Variants in ANKS1A observed in about 807,000 individuals in gnomAD.
ANKS1A encodes ankyrin repeat and SAM domain-containing protein 1A.
Under a neutral mutation model 120.3 loss-of-function variants are expected in ANKS1A, and 55 were observed. The observed-to-expected ratio is 0.46, with a 90% CI of 0.37 to 0.57. The LOEUF (loss-of-function observed/expected upper bound fraction) is 0.57. Among genes scored for constraint, ANKS1A ranks in the 20% least tolerant of loss-of-function variants. ANKS1A has a pLI of 0.00. For synonymous variants in ANKS1A, 590 were observed against 604.7 expected (o/e 0.98, Z 0.36); for missense variants, 1,123 against 1,480.3 (o/e 0.76, Z 3.96).
intron 13 of ANKS1A, among the ~76,000 whole-genome samples, chr6:35,062,322 C>T (rs546997512): frequency 2.6e-5 from 4 of 152,290 alleles, no homozygotes; most frequent in Non-Finnish European, 4.4e-5. Context: ...TGGGTAACCA[C>T]GTGTGAATGG....
In ANKS1A at chr6:34,986,889, C is replaced by T. The variant is rs1772235168; in HGVS notation, c.1209+1611C>T. 2.6e-5 allele frequency among the ~76,000 whole-genome samples: 4 copies of T among 152,326 alleles called. No individual in the cohort carries two copies. In the South Asian group the frequency reaches 8.3e-4, roughly 32 times the overall value. On this transcript the variant is annotated intron_variant, in intron 8 of 23. Transcript: ENST00000360359. The stretch of plus-strand genomic sequence containing the variant: ...TAGGCACAACGGAATTAAGCAAATC[C>T]AGGTTTGGAGGAAGGTGGTGTTTTA...
chr6:34,967,485 A>G (rs2127508852), intron 2 of ANKS1A, among the ~76,000 whole-genome samples, 166 bp downstream of exon 2: 1 of 150,470 alleles, frequency 6.6e-6, no homozygotes, highest in South Asian at 2.1e-4. Context: ...GCTGAGTTTG[A>G]GAGCAGCCTG....
Position 34,909,012 on chromosome 6 carries a change from C to A in ANKS1A, c.197+19413C>A, listed in dbSNP as rs77301855. 4.6e-3 allele frequency among the ~76,000 whole-genome samples: 693 copies of A among 152,274 alleles called. 5 individuals are homozygous for A. Among genetic ancestry groups the A allele is most frequent in the African/African-American group, 0.016 (650 of 41,534 alleles). ...AGACCAATGTATTCTTACCTACATA[C>A]ACATCTGTTATCATCATGAAGATAA... On this transcript the variant is annotated intron_variant, in intron 1 of 23. Coordinates refer to ENST00000360359, the MANE Select transcript of ANKS1A (RefSeq NM_015245.3).
At chr6:35,029,281 G>GT (rs970733674) in intron 11 of ANKS1A, among the ~76,000 whole-genome samples, 6 of 130,522 alleles carry the variant, frequency 4.6e-5, no homozygotes, top group South Asian at 2.5e-4. Flanking sequence ...GTATTTTTAT[G>GT]TTTTTTTTAA....
chr6:34,966,257 A>ATT (rs1161964766), intron 1 of ANKS1A, among the ~76,000 whole-genome samples: 1 of 152,248 alleles, frequency 6.6e-6, no homozygotes, highest in Non-Finnish European at 1.5e-5. Context: ...TGGCCAATTA[A>ATT]GTTTACTCCA....
chr6:34,913,836 T>C (rs1459645669), intron 1 of ANKS1A, among the ~76,000 whole-genome samples: 1 of 152,182 alleles, frequency 6.6e-6, no homozygotes, highest in Non-Finnish European at 1.5e-5. Flanking sequence ...TTTCACCATG[T>C]TGGCCACACT....
intron 10 of ANKS1A, 65 bp downstream of exon 10, chr6:34,994,487 G>T (rs1483764693): frequency 1.2e-5 from 19 of 1,581,118 alleles, no homozygotes; most frequent in Non-Finnish European, 1.6e-5. Context: ...GTGATCCTGA[G>T]TGGAAGGGGA....
At position 35,079,948 on chromosome 6, in the gene ANKS1A, A is replaced by T. The variant is rs1490573953; in HGVS notation, c.2544+20A>T. On this transcript the variant is annotated intron_variant, in intron 16 of 23. Transcript: ENST00000360359. The stretch of plus-strand genomic sequence containing the variant: ...CTGAGGGTGAGTCGGGGAGGGACAG[A>T]AAGGAATGTATGTTTGTTCCCTGTA... The T allele has an allele frequency of 6.5e-7, 1 of 1,550,286 alleles. No individual in the cohort carries two copies. Among genetic ancestry groups the T allele is most frequent in the Non-Finnish European group, 8.7e-7 (1 of 1,145,982 alleles).
At chr6:35,093,084 T>C (rs761486978), downstream of ANKS1A, among the ~76,000 whole-genome samples, 1 of 152,050 alleles carries the variant, frequency 6.6e-6, no homozygotes, top group African/African-American at 2.4e-5. Flanking sequence ...GGGCTCACAC[T>C]GCACCCACTG....
chr6:35,039,094 G>GT lies in ANKS1A; in HGVS notation c.2011-15005_2011-15004insT, dbSNP rs1238334013. On this transcript the variant is annotated intron_variant, in intron 11 of 23. Transcript: ENST00000360359. ...TGCATGTATGTGTGTGTGTGTGTGG[G>GT]GGGGGGTTATATGCATTTTTATCAT... is the stretch of plus-strand genomic sequence containing the variant. Among the ~76,000 whole-genome samples, 5 of 151,586 alleles carry GT rather than the reference G, an allele frequency of 3.3e-5. No individual in the cohort carries two copies. In the East Asian group the frequency reaches 7.7e-4, roughly 23 times the overall value.
intron 18 of ANKS1A, 108 bp from the exon 19 acceptor site, chr6:35,083,047 T>C (rs1231080572): frequency 1.4e-6 from 2 of 1,406,516 alleles, no homozygotes; most frequent in Non-Finnish European, 2.0e-6. Flanking sequence ...GGGGGTGTTG[T>C]TATTGAGAGG....
At chr6:34,977,660 T>A (rs551573632) in intron 3 of ANKS1A, among the ~76,000 whole-genome samples, 1 of 152,290 alleles carries the variant, frequency 6.6e-6, no homozygotes, top group African/African-American at 2.4e-5. Context: ...TTTTTTTGGA[T>A]CAGAGTTCTG....
intron 10 of ANKS1A, among the ~76,000 whole-genome samples, chr6:35,016,476 C>T (rs1774010169): frequency 1.3e-5 from 2 of 152,136 alleles, no homozygotes; most frequent in Admixed American, 1.3e-4. Flanking sequence ...GGGCTGAGTT[C>T]ATGCAAGGAA....
chr6:34,932,444 G>T (rs1051352112), intron 1 of ANKS1A, among the ~76,000 whole-genome samples: 1 of 151,698 alleles, frequency 6.6e-6, no homozygotes, highest in African/African-American at 2.4e-5. Flanking sequence ...GAGTGCAGTG[G>T]TGCGATCTTG....
intron 11 of ANKS1A, among the ~76,000 whole-genome samples, chr6:35,048,397 TGGTCGCCTCG>T (rs1775818892): frequency 6.6e-6 from 1 of 152,198 alleles, no homozygotes; most frequent in African/African-American, 2.4e-5. Context: ...CCGCCATGTC[TGGTCGCCTCG>T]GCAAGGACAG....
chr6:34,964,567 T>G (rs1163688994), intron 1 of ANKS1A, among the ~76,000 whole-genome samples: 1 of 152,252 alleles, frequency 6.6e-6, no homozygotes, highest in Admixed American at 6.5e-5. Context: ...TTTTCTTTCC[T>G]TTGTTATTAC....
chr6:35,071,138 C>T, intron 13 of ANKS1A: 2 of 294,038 alleles, frequency 6.8e-6, no homozygotes, highest in South Asian at 4.0e-5. Context: ...CACTTGTGAC[C>T]TGTAAGGCCA....
chr6:35,089,295 G>A lies in ANKS1A; in HGVS notation c.*686G>A. ...CATTTCTGGGGTTCCCGATGGGAAG[G>A]TTCAGTGGCCAAATGAAGATAAGTG... On this transcript the variant is annotated 3_prime_UTR_variant, in exon 24 of 24. Transcript: ENST00000360359. The A allele has an allele frequency of 1.0e-6, 1 of 987,764 alleles. No individual in the cohort carries two copies. The allele number at this position is 987,764 out of a possible 1,614,324, so 61.2% of individuals were successfully genotyped here. A position where few individuals can be genotyped will look rare whatever the true frequency, so the allele number is the denominator to read the frequency against.
intron 13 of ANKS1A, among the ~76,000 whole-genome samples, chr6:35,071,440 G>A (rs116698523): frequency 2.8e-4 from 42 of 152,274 alleles, no homozygotes; most frequent in Admixed American, 9.2e-4. Context: ...TACAGAGTCC[G>A]CTGGGTCAGT....
Sources: gnomAD v4.1 joint callset for allele counts (sites outside exome capture counted in the v4.1 genomes callset) on GRCh38, gnomAD v4.1.1 for gene constraint, MANE v1.5 for transcripts, NCBI Gene and HGNC (gene_info 2026-07-23, HGNC 2026-07-21) for gene names.